The following NKAIN2 variants were observed in gnomAD, a reference collection of about 807,000 sequenced individuals.
The protein encoded by NKAIN2 is sodium/potassium-transporting ATPase subunit beta-1-interacting protein 2.
Under a neutral mutation model 32.6 loss-of-function variants are expected in NKAIN2, and 14 were observed. That is an observed-to-expected ratio of 0.43 (90% CI 0.28 to 0.67). NKAIN2 has a LOEUF of 0.67. NKAIN2 is among the 30% of genes least tolerant of loss of function. The pLI is 0.17. For synonymous variants in NKAIN2, 80 were observed against 87.2 expected, an observed-to-expected ratio of 0.92 and a Z score of 0.46; for missense variants, 198 against 258.3, an observed-to-expected ratio of 0.77 and a Z score of 1.60.
chr6:124,088,313 C>T (rs974383974), intron 1 of NKAIN2, among the ~76,000 whole-genome samples: 2 of 151,834 alleles, frequency 1.3e-5, no homozygotes, highest in Non-Finnish European at 2.9e-5. Flanking sequence ...CCCAGCTACT[C>T]GGGAGGCTGA....
chr6:124,073,818 G>A (rs977872899), intron 1 of NKAIN2, among the ~76,000 whole-genome samples: 6 of 152,096 alleles, frequency 3.9e-5, no homozygotes, highest in South Asian at 4.2e-4. Context: ...CACCCCCACC[G>A]GGCAGGGGAG....
intron 4 of NKAIN2, among the ~76,000 whole-genome samples, chr6:124,741,136 G>T (rs890841110): frequency 6.6e-6 from 1 of 151,664 alleles, no homozygotes; most frequent in East Asian, 2.0e-4. Flanking sequence ...TGGGGACAAC[G>T]TGAAGGAGTG....
At chr6:124,780,881 GA>G (rs769239743) in intron 4 of NKAIN2, among the ~76,000 whole-genome samples, 4 of 152,156 alleles carry the variant, frequency 2.6e-5, no homozygotes, top group Non-Finnish European at 5.9e-5. Context: ...CGGAACCACT[GA>G]AATGGTAATT....
chr6:124,540,600 C>T (rs1484874767), intron 3 of NKAIN2, among the ~76,000 whole-genome samples: 2 of 152,208 alleles, frequency 1.3e-5, no homozygotes, highest in African/African-American at 4.8e-5. Flanking sequence ...TACATCACCT[C>T]TGTAAGACTC....
chr6:123,985,617 T>C (rs1202726134), intron 1 of NKAIN2, among the ~76,000 whole-genome samples: 1 of 152,168 alleles, frequency 6.6e-6, no homozygotes, highest in African/African-American at 2.4e-5. Flanking sequence ...TAGCATTCTT[T>C]CATCCAGTAA....
intron 3 of NKAIN2, among the ~76,000 whole-genome samples, chr6:124,391,570 A>T (rs967822038): frequency 6.6e-6 from 1 of 152,100 alleles, no homozygotes; most frequent in African/African-American, 2.4e-5. Context: ...CTTGCCTCTT[A>T]AAATCCAAAA....
chr6:124,091,176 C>G (rs1442602474), intron 1 of NKAIN2, among the ~76,000 whole-genome samples: 1 of 151,888 alleles, frequency 6.6e-6, no homozygotes, highest in Non-Finnish European at 1.5e-5. Flanking sequence ...CTAAGTAAAG[C>G]ATTGTAAGAT....
intron 3 of NKAIN2, among the ~76,000 whole-genome samples, chr6:124,562,417 T>C (rs1459265655): frequency 6.6e-6 from 1 of 152,206 alleles, no homozygotes; most frequent in East Asian, 1.9e-4. Flanking sequence ...TTATTTTTCA[T>C]AGAAGAAAAT....
At chr6:124,361,384 C>A (rs1249297504) in intron 3 of NKAIN2, among the ~76,000 whole-genome samples, 1 of 151,964 alleles carries the variant, frequency 6.6e-6, no homozygotes, top group Admixed American at 6.6e-5. Flanking sequence ...ATGTATGGGG[C>A]ACCATTAGTG....
intron 3 of NKAIN2, among the ~76,000 whole-genome samples, chr6:124,463,865 T>C (rs904272457): frequency 6.6e-6 from 1 of 152,140 alleles, no homozygotes; most frequent in African/African-American, 2.4e-5. Context: ...TGGATTTTGA[T>C]TGGTTTCAAT....
intron 1 of NKAIN2, among the ~76,000 whole-genome samples, chr6:124,007,348 G>A (rs573163847): frequency 1.3e-5 from 2 of 152,292 alleles, no homozygotes; most frequent in East Asian, 3.9e-4. Context: ...AGTGGTCAGA[G>A]ATAAGTAGAT....
At chr6:123,849,884 T>G (rs1775243121) in intron 1 of NKAIN2, among the ~76,000 whole-genome samples, 1 of 151,934 alleles carries the variant, frequency 6.6e-6, no homozygotes, top group African/African-American at 2.4e-5. Flanking sequence ...CAGTGTTTAT[T>G]ATTATTTACA....
intron 1 of NKAIN2, among the ~76,000 whole-genome samples, chr6:124,080,085 A>T (rs1783887523): frequency 1.3e-5 from 2 of 152,152 alleles, no homozygotes; most frequent in African/African-American, 4.8e-5. Flanking sequence ...TGGGAGTCTG[A>T]CTGATAAAAA....
intron 1 of NKAIN2, among the ~76,000 whole-genome samples, chr6:124,194,380 G>A (rs1790199859): frequency 6.6e-6 from 1 of 151,696 alleles, no homozygotes; most frequent in South Asian, 2.1e-4. Context: ...CAACATATCT[G>A]TTTCTGTTAT....
At position 124,405,755 on chromosome 6, in the gene NKAIN2, C is replaced by T. The variant is rs149794783; in HGVS notation, c.273+50408C>T. Among the ~76,000 whole-genome samples, 224 of 151,844 alleles carry T rather than the reference C, an allele frequency of 1.5e-3. 1 individual carries two copies. The highest frequency in any genetic ancestry group is 5.1e-3 in the African/African-American group (212 of 41,404). ...ATCAGTGAAAGAGTGTGATATCCCC[C>T]CAAAATATTGTTTTAAATACAAATA... On this transcript the variant is annotated intron_variant, in intron 3 of 6. Transcript: ENST00000368417.
At chr6:124,382,394 C>T (rs1772685398) in intron 3 of NKAIN2, among the ~76,000 whole-genome samples, 1 of 152,076 alleles carries the variant, frequency 6.6e-6, no homozygotes, top group Non-Finnish European at 1.5e-5. Context: ...CAAATTGAAA[C>T]AAATGCGAGC....
At chr6:124,707,979 A>G (rs905587433) in intron 4 of NKAIN2, among the ~76,000 whole-genome samples, 3 of 149,270 alleles carry the variant, frequency 2.0e-5, no homozygotes, top group Non-Finnish European at 4.5e-5. Context: ...TTTTAGGTCT[A>G]ACGTTTAAGT....
chr6:124,675,763 T>G (rs1011272579), intron 4 of NKAIN2, among the ~76,000 whole-genome samples: 1 of 152,042 alleles, frequency 6.6e-6, no homozygotes, highest in African/African-American at 2.4e-5. Flanking sequence ...TTTGTTAATA[T>G]TGTTGATCTT....
At chr6:124,181,728 C>T (rs181214601) in intron 1 of NKAIN2, among the ~76,000 whole-genome samples, 265 of 152,184 alleles carry the variant, frequency 1.7e-3, no homozygotes, top group Non-Finnish European at 3.0e-3. Context: ...ACCTTTGCTC[C>T]GGCTCCCAAC....
Sources: allele counts gnomAD v4.1 joint callset (sites outside exome capture counted in the v4.1 genomes callset), GRCh38; gene constraint gnomAD v4.1.1; transcripts MANE v1.5; gene names NCBI Gene and HGNC (gene_info 2026-07-23, HGNC 2026-07-21).